The following RASAL2 variants were observed in gnomAD, a reference collection of about 807,000 sequenced individuals.
RASAL2 encodes RAS protein activator like 2.
Under a neutral mutation model 128.9 loss-of-function variants are expected in RASAL2, and 58 were observed. That is an observed-to-expected ratio of 0.45 (90% CI 0.36 to 0.56). The LOEUF is 0.56. Ranked by LOEUF, RASAL2 falls within the 20% of genes least tolerant of loss-of-function variation. The pLI is 0.00. For missense variants in RASAL2, 1,360 were observed against 1,601.6 expected (o/e 0.85, Z 2.57); for synonymous variants, 561 against 580.8 (o/e 0.97, Z 0.49).
intron 4 of RASAL2, among the ~76,000 whole-genome samples, chr1:178,406,606 A>AAAAT (rs1165920701): frequency 6.6e-6 from 1 of 152,202 alleles, no homozygotes; most frequent in Admixed American, 6.5e-5. Flanking sequence ...GTTTTAAAAC[A>AAAAT]AAATACATAA....
Position 178,154,208 on chromosome 1 carries a change from A to G in RASAL2, c.202+59514A>G, listed in dbSNP as rs574156001. ...ATACTCCAGGCTGTAGTACAGTGGC[A>G]CCATCATGGCTCACTGCAGCCTTGA... On this transcript the variant is annotated intron_variant, in intron 1 of 17. Transcript: ENST00000367649. 4.6e-5 allele frequency among the ~76,000 whole-genome samples: 7 copies of G among 151,320 alleles called. No homozygotes were observed. In the South Asian group the frequency reaches 1.5e-3, roughly 32 times the overall value.
At chr1:178,096,522 TG>T (rs771494742) in intron 1 of RASAL2, among the ~76,000 whole-genome samples, 1 of 151,940 alleles carries the variant, frequency 6.6e-6, no homozygotes, top group East Asian at 1.9e-4. Flanking sequence ...GTTTACATTA[TG>T]TTTTTTTTCT....
chr1:178,465,832 G>T lies in RASAL2; in HGVS notation c.3388-88G>T. On this transcript the variant is annotated intron_variant, in intron 15 of 17. Transcript: ENST00000367649. The stretch of plus-strand genomic sequence containing the variant: ...AAAAGAAAAAAGAAAAAGAAAAAAA[G>T]AAAGAAAGAGAAAGAAAGAAAAGTA... 5.7e-6 allele frequency: 6 copies of T among 1,061,076 alleles called. No individual in the cohort carries two copies. The South Asian group carries it at 1.2e-4, about 21-fold the overall frequency. 65.7% of individuals were successfully genotyped at this position (1,061,076 alleles called of 1,614,324 possible). A position where few individuals can be genotyped will look rare whatever the true frequency, so the allele number is the denominator to read the frequency against.
At chr1:178,190,482 A>C (rs316281) in intron 1 of RASAL2, among the ~76,000 whole-genome samples, 1 of 152,186 alleles carries the variant, frequency 6.6e-6, no homozygotes, top group Non-Finnish European at 1.5e-5. Flanking sequence ...TGTAATTCCT[A>C]TCAAATCTTT....
At position 178,174,774 on chromosome 1, in the gene RASAL2, TC is replaced by T. The variant is rs1214949093; in HGVS notation, c.202+80082del. Among the ~76,000 whole-genome samples, 9 of 152,278 alleles carry T rather than the reference TC, an allele frequency of 5.9e-5. No individual in the cohort carries two copies. The South Asian group carries it at 1.2e-3, about 21-fold the overall frequency. On this transcript the variant is annotated intron_variant, in intron 1 of 17. Transcript: ENST00000367649. ...AACCCTTTGACTTTGGCATTTACTT[TC>T]CAAGGACAATTGAAGGCAATAGCTG...
intron 3 of RASAL2, among the ~76,000 whole-genome samples, chr1:178,310,222 AAC>A (rs1236216190): frequency 1.3e-5 from 2 of 152,220 alleles, no homozygotes; most frequent in African/African-American, 4.8e-5. Context: ...TGCATAAGGA[AAC>A]ACAGATTTTG....
intron 1 of RASAL2, among the ~76,000 whole-genome samples, chr1:178,252,712 A>G (rs1299679439): frequency 6.6e-6 from 1 of 152,218 alleles, no homozygotes; most frequent in Non-Finnish European, 1.5e-5. Flanking sequence ...TGATAGTTAG[A>G]AAAGGGTCTG....
intron 3 of RASAL2, among the ~76,000 whole-genome samples, chr1:178,348,443 A>C (rs1670263218): frequency 6.6e-6 from 1 of 152,004 alleles, no homozygotes; most frequent in Non-Finnish European, 1.5e-5. Context: ...ATAGGTGCAC[A>C]CGACTACACC....
intron 1 of RASAL2, among the ~76,000 whole-genome samples, chr1:178,257,864 A>G (rs1317229953): frequency 7.0e-6 from 1 of 143,024 alleles, no homozygotes; most frequent in Non-Finnish European, 1.6e-5. Context: ...AAAAAAAAAG[A>G]ATTGATACAT....
intron 1 of RASAL2, among the ~76,000 whole-genome samples, chr1:178,233,322 T>C (rs1664086634): frequency 2.0e-5 from 3 of 152,226 alleles, no homozygotes; most frequent in Non-Finnish European, 4.4e-5. Flanking sequence ...AACATCACCT[T>C]GTCCTCCAAG....
At chr1:178,244,309 C>T (rs1480565200) in intron 1 of RASAL2, among the ~76,000 whole-genome samples, 1 of 152,050 alleles carries the variant, frequency 6.6e-6, no homozygotes, top group Non-Finnish European at 1.5e-5. Context: ...GTGGTGCGAT[C>T]TTGGCTCACT....
At chr1:178,384,762 G>A (rs1158710569) in intron 3 of RASAL2, among the ~76,000 whole-genome samples, 1 of 151,072 alleles carries the variant, frequency 6.6e-6, no homozygotes, top group Non-Finnish European at 1.5e-5. Flanking sequence ...TCACAAAGAG[G>A]TGCTTAAATA....
chr1:178,322,350 A>T (rs1490023350), intron 3 of RASAL2, among the ~76,000 whole-genome samples: 1 of 152,056 alleles, frequency 6.6e-6, no homozygotes, highest in East Asian at 1.9e-4. Flanking sequence ...GTCCTTTCTC[A>T]GTAGTTGACT....
Position 178,094,354 on chromosome 1 carries a change from A to T in RASAL2, c.-139A>T, listed in dbSNP as rs1361276352. ...AGTGGGCGACGGGGAAGGAGGTGAGAGGTGTCCGCGCCGGCTGCCGCTCGG... is the reference window on the plus strand; with the variant it reads ...AGTGGGCGACGGGGAAGGAGGTGAGTGGTGTCCGCGCCGGCTGCCGCTCGG... On this transcript the variant is annotated 5_prime_UTR_variant, in exon 1 of 18. Transcript: ENST00000367649. 2 of 741,130 alleles carry T rather than the reference A, an allele frequency of 2.7e-6. No homozygotes were observed. Among genetic ancestry groups the T allele is most frequent in the East Asian group, 6.1e-5 (2 of 32,816 alleles). 45.9% of individuals were successfully genotyped at this position (741,130 alleles called of 1,614,324 possible). A position where few individuals can be genotyped will look rare whatever the true frequency, so the allele number is the denominator to read the frequency against.
At chr1:178,195,845 C>T (rs1040269506) in intron 1 of RASAL2, among the ~76,000 whole-genome samples, 1 of 152,042 alleles carries the variant, frequency 6.6e-6, no homozygotes, top group Non-Finnish European at 1.5e-5. Context: ...TCTGCTGTCT[C>T]AAGGCTGTTA....
At chr1:178,096,968 A>G (rs927927977) in intron 1 of RASAL2, among the ~76,000 whole-genome samples, 1 of 152,212 alleles carries the variant, frequency 6.6e-6, no homozygotes, top group East Asian at 1.9e-4. Context: ...AAACTTTGAA[A>G]TAAAAGTAAT....
intron 1 of RASAL2, among the ~76,000 whole-genome samples, chr1:178,142,350 G>C (rs544305396): frequency 6.6e-6 from 1 of 152,206 alleles, no homozygotes; most frequent in African/African-American, 2.4e-5. Context: ...ATGTCACTAG[G>C]GTGGAAAAAT....
At chr1:178,095,503 C>T (rs918223123) in intron 1 of RASAL2, among the ~76,000 whole-genome samples, 16 of 152,188 alleles carry the variant, frequency 1.1e-4, no homozygotes. Flanking sequence ...AGATGTTTAT[C>T]GCCTAGCTCA....
chr1:178,451,519 A>G lies in RASAL2; in HGVS notation c.1628-52A>G, dbSNP rs373910852. On this transcript the variant is annotated intron_variant, in intron 9 of 17. Transcript: ENST00000367649. The stretch of plus-strand genomic sequence containing the variant: ...CAGAAATCATAAGTCCTTTTATTCT[A>G]TTCAGGAAGACACTGTTTATAGCTA... 30 of 1,565,086 alleles carry G rather than the reference A, an allele frequency of 1.9e-5. No homozygotes were observed. In the African/African-American group the frequency reaches 3.8e-4, roughly 20 times the overall value.
Sources: allele counts gnomAD v4.1 joint callset (sites outside exome capture counted in the v4.1 genomes callset), GRCh38; gene constraint gnomAD v4.1.1; transcripts MANE v1.5; gene names NCBI Gene and HGNC (gene_info 2026-07-23, HGNC 2026-07-21).